Variants in MLANA observed in about 807,000 individuals in gnomAD.
The protein encoded by MLANA is melan-A, also known as melanoma antigen recognized by T-cells 1.
Under a neutral mutation model 15.7 loss-of-function variants are expected in MLANA, and 21 were observed. That is an observed-to-expected ratio of 1.33 (90% confidence interval 0.95 to 1.92). The LOEUF (loss-of-function observed/expected upper bound fraction) is 1.92. Ranked by LOEUF, MLANA falls within the 40% of genes most tolerant of loss-of-function variation. The pLI, the probability that MLANA is intolerant of heterozygous loss-of-function variation, is 0.00. For missense variants in MLANA, 164 were observed against 143.8 expected (o/e 1.14, Z -0.72); for synonymous variants, 56 against 51.5 (o/e 1.09, Z -0.37).
chr9:5,892,064 G>A (rs1305507177), intron 1 of MLANA, among the ~76,000 whole-genome samples: 3 of 152,220 alleles, frequency 2.0e-5, no homozygotes, highest in South Asian at 2.1e-4. Flanking sequence ...GTTAGCCACA[G>A]CCCTGGGCCA....
intron 4 of MLANA, 82 bp from the exon 5 acceptor site, chr9:5,908,558 T>G: frequency 8.5e-7 from 1 of 1,181,502 alleles, no homozygotes; most frequent in Non-Finnish European, 1.3e-6. Context: ...AGTATAAATA[T>G]GTTAACTATT....
At chr9:5,897,018 G>A (rs1300299050) in intron 2 of MLANA, among the ~76,000 whole-genome samples, 1 of 152,176 alleles carries the variant, frequency 6.6e-6, no homozygotes, top group Non-Finnish European at 1.5e-5. Flanking sequence ...GATCACCAGC[G>A]AGTCATGTAT....
intron 3 of MLANA, among the ~76,000 whole-genome samples, chr9:5,903,751 A>G (rs1832604468): frequency 6.6e-6 from 1 of 152,178 alleles, no homozygotes; most frequent in Non-Finnish European, 1.5e-5. Context: ...GTTATGTAAT[A>G]TCCCTCTTTA....
intron 3 of MLANA, among the ~76,000 whole-genome samples, chr9:5,904,232 T>C (rs1013185438): frequency 2.0e-5 from 3 of 152,228 alleles, no homozygotes; most frequent in African/African-American, 7.2e-5. Context: ...GAACACATAG[T>C]TGGGTCTTGT....
Position 5,897,635 on chromosome 9 carries a change from T to A in MLANA, c.156T>A (p.Asn52Lys). The change falls in exon 3 of 5, where the codon AAT (asparagine) becomes AAA (lysine). Residue 52 changes from asparagine (N) to lysine (K), a missense_variant. Transcript: ENST00000381477. ...GCTGTTGGTATTGTAGAAGACGAAA[T>A]GGATACAGAGCCTTGATGGTTGGTA... ...LIGCWYCRRR[N>K]GYRALMDKSL... 1 of 1,614,070 alleles carries A rather than the reference T, an allele frequency of 6.2e-7. No individual in the cohort carries two copies. Among genetic ancestry groups the A allele is most frequent in the East Asian group, 2.2e-5 (1 of 44,884 alleles).
Position 5,905,731 on chromosome 9 carries a change from G to A in MLANA, c.175-1154G>A, listed in dbSNP as rs564516217. On this transcript the variant is annotated intron_variant, in intron 3 of 4. Coordinates refer to ENST00000381477, the MANE Select transcript of MLANA (RefSeq NM_005511.2). ...TTGCCATGTCCTGCCTTTTCAGGCTGACCCAATGTATACCTTCCGTGTATT... is the reference window on the plus strand; with the variant it reads ...TTGCCATGTCCTGCCTTTTCAGGCTAACCCAATGTATACCTTCCGTGTATT... Among the ~76,000 whole-genome samples, 52 of 152,292 alleles carry A rather than the reference G, an allele frequency of 3.4e-4. 1 individual carries two copies. In the Middle Eastern group the frequency reaches 0.017, roughly 50 times the overall value.
At position 5,910,048 on chromosome 9, in the gene MLANA, A is replaced by G. The variant is rs1833072071; in HGVS notation, c.*1340A>G. The G allele has an allele frequency of 6.6e-6, 1 of 152,218 alleles. No individual in the cohort carries two copies. Among genetic ancestry groups the G allele is most frequent in the African/African-American group, 2.4e-5 (1 of 41,458 alleles). 9.4% of individuals were successfully genotyped at this position (152,218 alleles called of 1,614,324 possible). A position where few individuals can be genotyped will look rare whatever the true frequency, so the allele number is the denominator to read the frequency against. The stretch of plus-strand genomic sequence containing the variant: ...TAATGAAAGTAATTTTTTTAACCTA[A>G]GAAAATACTAATGGTCACAGAAGGC... On this transcript the variant is annotated 3_prime_UTR_variant, in exon 5 of 5. Transcript: ENST00000381477.
intron 1 of MLANA, among the ~76,000 whole-genome samples, chr9:5,892,195 T>G (rs2129878887): frequency 6.6e-6 from 1 of 152,326 alleles, no homozygotes; most frequent in Non-Finnish European, 1.5e-5. Flanking sequence ...AACTTGCAAG[T>G]CTTTTTTGCT....
intron 1 of MLANA, among the ~76,000 whole-genome samples, chr9:5,892,009 T>G (rs781774125): frequency 2.1e-4 from 32 of 152,230 alleles, no homozygotes; most frequent in African/African-American, 5.5e-4. Context: ...TCTGTGGGAT[T>G]GATATCCAAC....
chr9:5,903,133 T>G (rs372900134), intron 3 of MLANA, among the ~76,000 whole-genome samples: 1 of 152,256 alleles, frequency 6.6e-6, no homozygotes, highest in East Asian at 1.9e-4. Context: ...TGGGAATTTT[T>G]CAGTTATCTT....
chr9:5,902,804 G>A (rs1832529788), intron 3 of MLANA, among the ~76,000 whole-genome samples: 1 of 151,950 alleles, frequency 6.6e-6, no homozygotes, highest in South Asian at 2.1e-4. Flanking sequence ...ATTGTGCTCT[G>A]CTGATTTCTT....
chr9:5,903,309 G>A (rs765533176), intron 3 of MLANA, among the ~76,000 whole-genome samples: 44 of 152,316 alleles, frequency 2.9e-4, no homozygotes, highest in South Asian at 1.9e-3. Context: ...GTTGGATGAA[G>A]TAGCCTACAG....
At chr9:5,902,356 C>T (rs1047744816) in intron 3 of MLANA, among the ~76,000 whole-genome samples, 1 of 152,080 alleles carries the variant, frequency 6.6e-6, no homozygotes, top group Non-Finnish European at 1.5e-5. Context: ...GTAGTTTGTG[C>T]CTTTTTATTT....
At chr9:5,905,559 G>T (rs571511364) in intron 3 of MLANA, among the ~76,000 whole-genome samples, 26 of 152,148 alleles carry the variant, frequency 1.7e-4, no homozygotes, top group Admixed American at 1.2e-3. Flanking sequence ...ACTGACTCTG[G>T]TATAGCATCA....
chr9:5,905,759 T>C (rs1832763339), intron 3 of MLANA, among the ~76,000 whole-genome samples: 1 of 152,228 alleles, frequency 6.6e-6, no homozygotes, highest in South Asian at 2.1e-4. Flanking sequence ...CGTGTATTGA[T>C]TTATGATTTT....
intron 3 of MLANA, among the ~76,000 whole-genome samples, chr9:5,903,578 A>G (rs1469873188): frequency 6.6e-6 from 1 of 152,168 alleles, no homozygotes; most frequent in Non-Finnish European, 1.5e-5. Flanking sequence ...TTTCTGATAG[A>G]GAGATGTTGA....
At chr9:5,897,783 C>G in intron 3 of MLANA, 130 bp downstream of exon 3, 1 of 798,864 alleles carries the variant, frequency 1.3e-6, no homozygotes, top group Admixed American at 2.1e-5. Flanking sequence ...GCTTCTGATG[C>G]CTCTTTTGCT....
chr9:5,892,358 C>T (rs771566380), intron 1 of MLANA, 92 bp from the exon 2 acceptor site: 8 of 792,580 alleles, frequency 1.0e-5, no homozygotes, highest in Non-Finnish European at 1.5e-5. Context: ...GGATATTGGT[C>T]ACCTAGTGAG....
At chr9:5,897,214 G>T (rs1832086038) in intron 2 of MLANA, among the ~76,000 whole-genome samples, 1 of 152,192 alleles carries the variant, frequency 6.6e-6, no homozygotes, top group South Asian at 2.1e-4. Flanking sequence ...TTTTAAAACA[G>T]CCTGATGAGA....
Sources: gnomAD v4.1 joint callset for allele counts (sites outside exome capture counted in the v4.1 genomes callset) on GRCh38, gnomAD v4.1.1 for gene constraint, MANE v1.5 for transcripts, NCBI Gene and HGNC (gene_info 2026-07-23, HGNC 2026-07-21) for gene names.